Variants in CPNE4 observed in about 807,000 individuals in gnomAD.
The protein encoded by CPNE4 is copine 4, also known as copine-4.
A neutral mutation model predicts 67.9 loss-of-function variants in CPNE4; 25 were observed. The observed-to-expected ratio is 0.37, with a 90% CI of 0.27 to 0.51. CPNE4 has a LOEUF of 0.51. Ranked by LOEUF, CPNE4 falls within the 20% of genes least tolerant of loss-of-function variation. CPNE4 has a pLI of 0.93. For synonymous variants in CPNE4, 242 were observed against 244.9 expected (o/e 0.99, Z 0.11); for missense variants, 464 against 690.8 (o/e 0.67, Z 3.68).
chr3:131,836,324 A>T (rs2085555501), intron 2 of CPNE4, among the ~76,000 whole-genome samples: 2 of 152,164 alleles, frequency 1.3e-5, no homozygotes, highest in Non-Finnish European at 1.5e-5. Flanking sequence ...AGTTAATGCA[A>T]TCTCCCATAT....
intron 1 of CPNE4, among the ~76,000 whole-genome samples, chr3:131,924,043 C>T (rs974296322): frequency 7.9e-5 from 12 of 152,148 alleles, no homozygotes; most frequent in African/African-American, 2.9e-4. Flanking sequence ...AGATTTTGGT[C>T]AGTGGTTCAC....
chr3:131,741,147 T>C (rs1469230490), intron 2 of CPNE4, among the ~76,000 whole-genome samples: 1 of 152,228 alleles, frequency 6.6e-6, no homozygotes, highest in African/African-American at 2.4e-5. Flanking sequence ...TAACATAATG[T>C]AAATTCTACT....
In CPNE4 at chr3:131,938,076, G is replaced by T. The variant is rs2071275843; in HGVS notation, c.-1-32632C>A. ...AAAGTGTTTTTAGAACTTGATAAAA[G>T]GTCAGGTGCGGTGGTTTACAGATAT... is the stretch of plus-strand genomic sequence containing the variant. On this transcript the variant is annotated intron_variant, in intron 1 of 15. Transcript: ENST00000429747. 2.0e-5 allele frequency among the ~76,000 whole-genome samples: 3 copies of T among 151,318 alleles called. 1 individual carries two copies. In the South Asian group the frequency reaches 6.3e-4, roughly 32 times the overall value.
At chr3:131,776,365 T>C (rs570309778) in intron 2 of CPNE4, among the ~76,000 whole-genome samples, 2 of 152,218 alleles carry the variant, frequency 1.3e-5, no homozygotes, top group South Asian at 4.2e-4. Flanking sequence ...AGGATTCCAA[T>C]TTGAGTCCAG....
intron 7 of CPNE4, among the ~76,000 whole-genome samples, chr3:131,610,338 G>T (rs1213771453): frequency 4.6e-5 from 7 of 152,192 alleles, no homozygotes; most frequent in African/African-American, 9.6e-5. Context: ...CAGTGAAGCA[G>T]ATACTATCAA....
At chr3:131,737,080 G>A (rs1049083935) in intron 2 of CPNE4, among the ~76,000 whole-genome samples, 2 of 131,538 alleles carry the variant, frequency 1.5e-5, no homozygotes, top group African/African-American at 2.8e-5. Context: ...CTGTCTTTAA[G>A]TACATTCAGT....
In CPNE4 at chr3:131,723,511, T is replaced by A. The variant is rs144815991; in HGVS notation, c.295A>T (p.Ser99Cys). ...QRLRFEVHDISSNHNGLKEAD... is the reference protein window; with the variant it reads ...QRLRFEVHDICSNHNGLKEAD... Reference sequence around the variant, plus strand: ...TCCTTCAGCCCATTGTGGTTGCTGCTGATGTCATGGACTTCAAACCGCAGG... The same window carrying A: ...TCCTTCAGCCCATTGTGGTTGCTGCAGATGTCATGGACTTCAAACCGCAGG... The change falls in exon 3 of 16, where the codon AGC (serine) becomes TGC (cysteine). Residue 99 changes from serine to cysteine, a missense_variant. By Grantham distance (112) the Ser-to-Cys change is moderately radical. This residue lies in a region of CPNE4 where 170 missense variants were observed against 203.3 expected (regional missense o/e 0.84). Coordinates refer to ENST00000429747, the MANE Select transcript of CPNE4 (RefSeq NM_130808.3). The A allele has an allele frequency of 1.9e-6, 3 of 1,613,832 alleles. No homozygotes were observed. The African/African-American group carries it at 4.0e-5, about 22-fold the overall frequency.
intron 2 of CPNE4, among the ~76,000 whole-genome samples, chr3:131,839,027 G>T (rs1282116133): frequency 2.0e-5 from 3 of 151,692 alleles, no homozygotes; most frequent in Non-Finnish European, 1.5e-5. Context: ...GATAATAATG[G>T]AGTACAGATT....
At chr3:131,786,779 A>G (rs993652519) in intron 2 of CPNE4, among the ~76,000 whole-genome samples, 1 of 152,208 alleles carries the variant, frequency 6.6e-6, no homozygotes, top group Non-Finnish European at 1.5e-5. Flanking sequence ...CTTAAAAAGT[A>G]CATGGCGCAG....
chr3:131,860,725 C>T (rs928716637), intron 2 of CPNE4, among the ~76,000 whole-genome samples: 5 of 152,080 alleles, frequency 3.3e-5, no homozygotes, highest in East Asian at 1.9e-4. Flanking sequence ...GCTTATGTCA[C>T]GGAAGATGCT....
At chr3:131,778,278 G>A (rs970377709) in intron 2 of CPNE4, among the ~76,000 whole-genome samples, 2 of 152,030 alleles carry the variant, frequency 1.3e-5, no homozygotes, top group East Asian at 3.9e-4. Flanking sequence ...CCCACTCCAT[G>A]GGTACCACTG....
chr3:131,773,503 A>G (rs1450235052), intron 2 of CPNE4, among the ~76,000 whole-genome samples: 4 of 151,988 alleles, frequency 2.6e-5, no homozygotes, highest in Non-Finnish European at 5.9e-5. Flanking sequence ...GTGTGCCACC[A>G]TGCCCGGCTA....
At chr3:131,597,766 G>GTAATCCAT (rs1938974544) in intron 7 of CPNE4, among the ~76,000 whole-genome samples, 1 of 152,098 alleles carries the variant, frequency 6.6e-6, no homozygotes, top group South Asian at 2.1e-4. Flanking sequence ...AAGCTTCTAT[G>GTAATCCAT]TAATCCATTT....
chr3:132,022,424 G>A (rs1253905911), intron 1 of CPNE4, among the ~76,000 whole-genome samples: 1 of 152,128 alleles, frequency 6.6e-6, no homozygotes, highest in African/African-American at 2.4e-5. Flanking sequence ...TTCCCAGGAG[G>A]TGGCCCCTCA....
At chr3:131,636,356 C>G (rs566755474) in intron 7 of CPNE4, among the ~76,000 whole-genome samples, 16 of 152,188 alleles carry the variant, frequency 1.1e-4, no homozygotes, top group African/African-American at 3.9e-4. Flanking sequence ...CAGGGTGAAG[C>G]CTGTGACTGC....
At chr3:131,908,929 G>A (rs1172572679) in intron 1 of CPNE4, among the ~76,000 whole-genome samples, 1 of 152,102 alleles carries the variant, frequency 6.6e-6, no homozygotes, top group Non-Finnish European at 1.5e-5. Flanking sequence ...ACAATACCAG[G>A]TATATTGTGG....
chr3:131,648,153 G>C (rs2079712930), intron 7 of CPNE4, among the ~76,000 whole-genome samples: 1 of 152,280 alleles, frequency 6.6e-6, no homozygotes, highest in Non-Finnish European at 1.5e-5. Flanking sequence ...AGGAAAAACT[G>C]CTTGAGCACA....
chr3:131,958,204 C>G (rs1040612614), intron 1 of CPNE4, among the ~76,000 whole-genome samples: 3 of 152,226 alleles, frequency 2.0e-5, no homozygotes, highest in African/African-American at 7.2e-5. Flanking sequence ...CTAATCCTCA[C>G]TGCAACTCTG....
At chr3:131,847,605 A>G (rs1405192406) in intron 2 of CPNE4, among the ~76,000 whole-genome samples, 1 of 152,224 alleles carries the variant, frequency 6.6e-6, no homozygotes, top group African/African-American at 2.4e-5. Context: ...TTCAAATCCT[A>G]CAGGGGATAT....
Sources: allele counts gnomAD v4.1 joint callset (sites outside exome capture counted in the v4.1 genomes callset), GRCh38; gene constraint gnomAD v4.1.1; regional missense constraint gnomAD v4.1.1; transcripts MANE v1.5; gene names NCBI Gene and HGNC (gene_info 2026-07-23, HGNC 2026-07-21).